Variants in PGM2L1 observed in about 807,000 individuals in gnomAD.
PGM2L1 encodes glucose 1,6-bisphosphate synthase.
Under a neutral mutation model 73.4 loss-of-function variants are expected in PGM2L1, and 35 were observed. The observed-to-expected ratio is 0.48, with a 90% CI of 0.36 to 0.63. PGM2L1 has a LOEUF of 0.63. Among genes scored for constraint, PGM2L1 ranks in the 30% least tolerant of loss-of-function variants. The pLI is 0.00. For missense variants in PGM2L1, 570 were observed against 742.0 expected (o/e 0.77, Z 2.69); for synonymous variants, 225 against 253.8 (o/e 0.89, Z 1.08).
intron 1 of PGM2L1, among the ~76,000 whole-genome samples, chr11:74,377,239 A>G (rs927761742): frequency 1.3e-5 from 2 of 150,670 alleles, no homozygotes; most frequent in African/African-American, 4.9e-5. Context: ...GGTTCACACC[A>G]TTCTCCTGCC....
chr11:74,354,593 C>A, intron 5 of PGM2L1: 1 of 1,124,650 alleles, frequency 8.9e-7, no homozygotes, highest in African/African-American at 1.5e-5. Context: ...GACCCAAACA[C>A]CAAGTGCTCC....
intron 1 of PGM2L1, among the ~76,000 whole-genome samples, chr11:74,375,253 T>G (rs1182654512): frequency 6.6e-6 from 1 of 152,240 alleles, no homozygotes; most frequent in Non-Finnish European, 1.5e-5. Context: ...AAACACGGTT[T>G]GTGAGGCAGT....
intron 1 of PGM2L1, among the ~76,000 whole-genome samples, chr11:74,392,654 G>A (rs1046438123): frequency 6.6e-6 from 1 of 151,876 alleles, no homozygotes. Flanking sequence ...CCATTCTCCT[G>A]CCTCAGCCTC....
rs772590650 is a variant in PGM2L1 at position 74,336,663 on chromosome 11, G to A, written c.1858C>T (p.Arg620Cys). 10 of 1,605,788 alleles carry A rather than the reference G, an allele frequency of 6.2e-6. No individual in the cohort carries two copies. The highest frequency in any genetic ancestry group is 1.7e-5 in the Admixed American group (1 of 59,428). The stretch of plus-strand genomic sequence containing the variant: ...ATATTGGTGTACCCCTAAACAGAAC[G>A]CCAGATCAGTCCATTCTTACTAGGC... ...LQPSKNGLIW[R>C]SV Residue 620 changes from arginine (R) to cysteine (C), a missense_variant, in exon 14 of 14, where the codon CGT (arginine) becomes TGT (cysteine). Physicochemically the swap from Arg to Cys is radical, Grantham distance 180. Transcript: ENST00000298198.
chr11:74,364,966 A>G (rs1335448372), intron 5 of PGM2L1, among the ~76,000 whole-genome samples: 1 of 152,142 alleles, frequency 6.6e-6, no homozygotes, highest in African/African-American at 2.4e-5. Flanking sequence ...TTCAAACTAT[A>G]CTACAAGGCT....
intron 13 of PGM2L1, among the ~76,000 whole-genome samples, chr11:74,338,100 A>G (rs1677089857): frequency 6.6e-6 from 1 of 152,250 alleles, no homozygotes; most frequent in South Asian, 2.1e-4. Context: ...GAATAAATTC[A>G]TGCTACAACT....
chr11:74,382,781 G>A (rs1862965207), intron 1 of PGM2L1, among the ~76,000 whole-genome samples: 1 of 152,194 alleles, frequency 6.6e-6, no homozygotes, highest in Non-Finnish European at 1.5e-5. Context: ...TTACAGGCAT[G>A]AGCCACCGCA....
chr11:74,339,952 T>A (rs985117761), intron 12 of PGM2L1, among the ~76,000 whole-genome samples: 5 of 152,198 alleles, frequency 3.3e-5, no homozygotes. Context: ...TTCCATGACA[T>A]CCTATGCATG....
At chr11:74,348,541 T>C (rs1478715449) in intron 6 of PGM2L1, among the ~76,000 whole-genome samples, 1 of 152,148 alleles carries the variant, frequency 6.6e-6, no homozygotes, top group Non-Finnish European at 1.5e-5. Context: ...AAATCAACAA[T>C]AATTTCTTTC....
intron 1 of PGM2L1, among the ~76,000 whole-genome samples, chr11:74,381,571 C>CTTTTTTT (rs1195996518): frequency 4.2e-5 from 4 of 95,436 alleles, no homozygotes; most frequent in African/African-American, 8.8e-5. Context: ...GTGTTTTTGT[C>CTTTTTTT]TTTTTTTTTT....
rs1210363241 is a variant in PGM2L1, at chr11:74,335,846, C to A, written c.*806G>T. 6.6e-6 allele frequency: 1 copy of A among 152,620 alleles called. No individual in the cohort carries two copies. The highest frequency in any genetic ancestry group is 1.5e-5 in the Non-Finnish European group (1 of 68,030). The allele number at this position is 152,620 out of a possible 1,614,324, so 9.5% of individuals were successfully genotyped here. A position where few individuals can be genotyped will look rare whatever the true frequency, so the allele number is the denominator to read the frequency against. On this transcript the variant is annotated 3_prime_UTR_variant, in exon 14 of 14. Transcript: ENST00000298198. ...TCACTTGATATAGAGGAAGCACCTA[C>A]AGATTTTGGAAGATTTTCCTTAGCT...
At chr11:74,391,487 C>CGTTA (rs1863101231) in intron 1 of PGM2L1, among the ~76,000 whole-genome samples, 1 of 151,998 alleles carries the variant, frequency 6.6e-6, no homozygotes, top group Non-Finnish European at 1.5e-5. Context: ...TCAACTTTAA[C>CGTTA]GTCTATATTT....
chr11:74,339,174 TTCCAAAG>T (rs1365060450), intron 12 of PGM2L1, among the ~76,000 whole-genome samples: 5 of 152,134 alleles, frequency 3.3e-5, no homozygotes, highest in Admixed American at 6.5e-5. Context: ...GGAAGCCAAG[TTCCAAAG>T]TCCAAACTGC....
intron 1 of PGM2L1, among the ~76,000 whole-genome samples, chr11:74,377,346 G>A (rs755719020): frequency 1.2e-4 from 18 of 152,140 alleles, no homozygotes; most frequent in Non-Finnish European, 2.1e-4. Flanking sequence ...TGTTAGCCAG[G>A]ATGGTCTCGA....
chr11:74,374,528 C>T lies in PGM2L1; in HGVS notation c.166G>A (p.Glu56Lys). 6.2e-7 allele frequency: 1 copy of T among 1,614,184 alleles called. No homozygotes were observed. Among genetic ancestry groups the T allele is most frequent in the Non-Finnish European group, 8.5e-7 (1 of 1,180,006 alleles). ...ENLLRNGMNK[E>K]LRDRLCCRMT... The stretch of plus-strand genomic sequence containing the variant: ...CGGCAACAAAGACGATCTCGCAGCT[C>T]CTTGTTCATCCCATTCCGTAACAGG... The change falls in exon 2 of 14, where the codon GAG (glutamate) becomes AAG (lysine). Residue 56 changes from glutamate (E) to lysine (K), a missense_variant. Physicochemically the swap from Glu to Lys is moderately conservative, Grantham distance 56 (BLOSUM62 1). Transcript: ENST00000298198.
At chr11:74,358,749 C>T (rs1177302335) in intron 5 of PGM2L1, among the ~76,000 whole-genome samples, 2 of 152,068 alleles carry the variant, frequency 1.3e-5, no homozygotes, top group Non-Finnish European at 2.9e-5. Flanking sequence ...ATTAGCCAGG[C>T]GTGATGGTGC....
intron 1 of PGM2L1, chr11:74,397,788 TGAAAG>T (rs1326802796): frequency 6.2e-6 from 2 of 320,248 alleles, no homozygotes; most frequent in African/African-American, 4.4e-5. Flanking sequence ...AGACAGCACT[TGAAAG>T]GAAAGAGGGT....
chr11:74,385,544 G>A (rs1156880400), intron 1 of PGM2L1, among the ~76,000 whole-genome samples: 3 of 151,846 alleles, frequency 2.0e-5, no homozygotes, highest in African/African-American at 7.3e-5. Context: ...GTTCTCATAC[G>A]GAAGTTGCCT....
At chr11:74,395,792 G>A (rs535030754) in intron 1 of PGM2L1, among the ~76,000 whole-genome samples, 2 of 151,904 alleles carry the variant, frequency 1.3e-5, no homozygotes, top group South Asian at 4.2e-4. Flanking sequence ...CTTTTGAACT[G>A]CAAGAACTGA....
Sources: gnomAD v4.1 joint callset for allele counts (sites outside exome capture counted in the v4.1 genomes callset) on GRCh38, gnomAD v4.1.1 for gene constraint, MANE v1.5 for transcripts, NCBI Gene and HGNC (gene_info 2026-07-23, HGNC 2026-07-21) for gene names.